The following BCHE variants were observed in gnomAD, a reference collection of about 807,000 sequenced individuals.
The protein encoded by BCHE is butyrylcholinesterase.
BCHE carries 48 observed loss-of-function variants against 51.3 expected under a neutral mutation model. That is an observed-to-expected ratio of 0.94 (90% CI 0.74 to 1.19). The LOEUF (loss-of-function observed/expected upper bound fraction) is 1.19. BCHE is among the 50% of genes most tolerant of loss of function. The pLI, the probability that BCHE is intolerant of heterozygous loss-of-function variation, is 0.00. For missense variants in BCHE, 847 were observed against 708.2 expected (o/e 1.20, Z -2.23); for synonymous variants, 251 against 238.0 (o/e 1.05, Z -0.50).
intron 2 of BCHE, among the ~76,000 whole-genome samples, chr3:165,789,380 ACT>A (rs1713084688): frequency 6.6e-6 from 1 of 152,054 alleles, no homozygotes; most frequent in South Asian, 2.1e-4. Flanking sequence ...ATAGTTGATA[ACT>A]CATTTTATGA....
chr3:165,812,232 T>C (rs1714128237), intron 2 of BCHE, among the ~76,000 whole-genome samples: 1 of 151,896 alleles, frequency 6.6e-6, no homozygotes, highest in East Asian at 1.9e-4. Context: ...TATCCAACTA[T>C]TTCTTAGACA....
chr3:165,825,465 A>G (rs891730656), intron 2 of BCHE, among the ~76,000 whole-genome samples: 2 of 152,072 alleles, frequency 1.3e-5, no homozygotes, highest in African/African-American at 4.8e-5. Flanking sequence ...ATAAATTAAT[A>G]AGCTGAGATT....
chr3:165,831,047 A>T lies in BCHE; in HGVS notation c.-8-6T>A, dbSNP rs1308096467. 5 of 1,600,842 alleles carry T rather than the reference A, an allele frequency of 3.1e-6. No individual in the cohort carries two copies. Among genetic ancestry groups the T allele is most frequent in the Non-Finnish European group, 4.3e-6 (5 of 1,172,872 alleles). ...TTTGCTATGCATATTGATTTCTGAA[A>T]GAGAGGTAAGTATAATGTTTTATAA... On this transcript the variant is annotated splice_polypyrimidine_tract_variant and splice_region_variant and intron_variant, in intron 1 of 3. Transcript: ENST00000264381.
intron 2 of BCHE, among the ~76,000 whole-genome samples, chr3:165,787,508 G>C (rs1358779681): frequency 6.6e-6 from 1 of 151,872 alleles, no homozygotes; most frequent in Non-Finnish European, 1.5e-5. Flanking sequence ...AGAAGGAGCA[G>C]TCATTACATG....
At chr3:165,806,962 A>G (rs1194567967) in intron 2 of BCHE, among the ~76,000 whole-genome samples, 1 of 152,120 alleles carries the variant, frequency 6.6e-6, no homozygotes, top group East Asian at 1.9e-4. Flanking sequence ...GTTATGTTAA[A>G]TAAATACAAT....
At chr3:165,786,580 T>G (rs1311544802) in intron 2 of BCHE, among the ~76,000 whole-genome samples, 1 of 151,810 alleles carries the variant, frequency 6.6e-6, no homozygotes, top group African/African-American at 2.4e-5. Context: ...AGAAATTTTT[T>G]ATTTCAATAA....
intron 3 of BCHE, among the ~76,000 whole-genome samples, chr3:165,784,566 A>T (rs1264730335): frequency 6.6e-6 from 1 of 151,954 alleles, no homozygotes; most frequent in Non-Finnish European, 1.5e-5. Flanking sequence ...AATTTGTTCA[A>T]CATTGTATGG....
chr3:165,823,018 T>C (rs935054871), intron 2 of BCHE, among the ~76,000 whole-genome samples: 18 of 152,112 alleles, frequency 1.2e-4, no homozygotes, highest in Non-Finnish European at 2.2e-4. Flanking sequence ...CATATAGACC[T>C]GTGTGTTATT....
rs55765003 is a variant in BCHE at position 165,773,192 on chromosome 3, A to G, written c.*190T>C. On this transcript the variant is annotated 3_prime_UTR_variant, in exon 4 of 4. Transcript: ENST00000264381. ...TTTATATTGTGAAATTTAATTAAACACGTTCTAGCCATTTGGGTTTTGAAA... is the reference window on the plus strand; with the variant it reads ...TTTATATTGTGAAATTTAATTAAACGCGTTCTAGCCATTTGGGTTTTGAAA... 6 of 521,010 alleles carry G rather than the reference A, an allele frequency of 1.2e-5. No individual in the cohort carries two copies. Among genetic ancestry groups the G allele is most frequent in the Admixed American group, 3.6e-5 (1 of 27,954 alleles). The allele number at this position is 521,010 out of a possible 1,614,324, so 32.3% of individuals were successfully genotyped here.
At chr3:165,798,931 A>T (rs1164800467) in intron 2 of BCHE, among the ~76,000 whole-genome samples, 1 of 152,312 alleles carries the variant, frequency 6.6e-6, no homozygotes, top group African/African-American at 2.4e-5. Flanking sequence ...ATACAGAGAT[A>T]CAAATGGAAT....
At chr3:165,812,042 A>G (rs1714119776) in intron 2 of BCHE, among the ~76,000 whole-genome samples, 4 of 152,000 alleles carry the variant, frequency 2.6e-5, no homozygotes, top group Admixed American at 2.6e-4. Context: ...GCTGTATACT[A>G]AAGACTGTGA....
intron 2 of BCHE, among the ~76,000 whole-genome samples, chr3:165,796,086 G>A (rs1261947515): frequency 6.6e-6 from 1 of 151,950 alleles, no homozygotes; most frequent in African/African-American, 2.4e-5. Flanking sequence ...TTTTCATCCA[G>A]CACTAATAAA....
intron 3 of BCHE, among the ~76,000 whole-genome samples, chr3:165,784,849 A>G (rs3796266): frequency 0.077 from 11,627 of 151,830 alleles, 548 homozygotes; most frequent in Middle Eastern, 0.11. Flanking sequence ...ATAAAGATTA[A>G]TAATATATAG....
intron 2 of BCHE, among the ~76,000 whole-genome samples, chr3:165,801,389 T>C (rs566105785): frequency 7.4e-4 from 113 of 152,340 alleles, no homozygotes; most frequent in Non-Finnish European, 1.0e-3. Context: ...GAAATGTCTA[T>C]CTGAGGGAAT....
chr3:165,778,657 G>A (rs1238352796), intron 3 of BCHE: 4 of 452,002 alleles, frequency 8.8e-6, no homozygotes, highest in South Asian at 4.7e-5. Flanking sequence ...ACTTCACTGT[G>A]AGTAAGCAGA....
rs369207253 is a variant in BCHE at position 165,829,775 on chromosome 3, A to G, written c.1259T>C (p.Val420Ala). The G allele has an allele frequency of 1.2e-5, 20 of 1,613,656 alleles. No individual in the cohort carries two copies. Among genetic ancestry groups the G allele is most frequent in the Non-Finnish European group, 1.7e-5 (20 of 1,179,866 alleles). Residue 420 changes from valine to alanine, a missense_variant, in exon 2 of 4, where the codon GTT (valine) becomes GCT (alanine). Coordinates refer to ENST00000264381, the MANE Select transcript of BCHE (RefSeq NM_000055.4). The part of the protein sequence containing the change: ...PENYREALGD[V>A]VGDYNFICPA... Reference sequence around the variant, plus strand: ...GCATATGAAATTATAATCCCCAACAACATCACCCAAGGCCTCACGGTAGTT... The same window carrying G: ...GCATATGAAATTATAATCCCCAACAGCATCACCCAAGGCCTCACGGTAGTT...
intron 2 of BCHE, among the ~76,000 whole-genome samples, chr3:165,809,600 A>G (rs1483312275): frequency 3.3e-5 from 5 of 152,156 alleles, no homozygotes; most frequent in Non-Finnish European, 1.5e-5. Flanking sequence ...GCACAAATTT[A>G]TCATTTGTAT....
At chr3:165,784,846 T>C (rs900528085) in intron 3 of BCHE, among the ~76,000 whole-genome samples, 1 of 151,800 alleles carries the variant, frequency 6.6e-6, no homozygotes, top group Non-Finnish European at 1.5e-5. Context: ...TAAATAAAGA[T>C]TAATAATATA....
chr3:165,786,122 C>A (rs1414484201), intron 3 of BCHE, 23 bp downstream of exon 3: 1 of 1,605,432 alleles, frequency 6.2e-7, no homozygotes, highest in Non-Finnish European at 8.5e-7. Flanking sequence ...TATTAAATAA[C>A]CAAACACTAA....
Sources: gnomAD v4.1 joint callset for allele counts (sites outside exome capture counted in the v4.1 genomes callset) on GRCh38, gnomAD v4.1.1 for gene constraint, MANE v1.5 for transcripts, NCBI Gene and HGNC (gene_info 2026-07-23, HGNC 2026-07-21) for gene names.